WDR17: variants seen among roughly 807,000 people sequenced by gnomAD.
The protein encoded by WDR17 is WD repeat domain 17, also known as WD repeat-containing protein 17.
In WDR17, 143 loss-of-function variants were observed where a neutral mutation model predicts 161.7. The observed-to-expected ratio is 0.88, with a 90% CI of 0.77 to 1.02. WDR17 has a LOEUF of 1.02. WDR17 is among the 50% of genes least tolerant of loss of function. The pLI is 0.00. For synonymous variants in WDR17, 517 were observed against 515.6 expected (o/e 1.00, Z -0.04); for missense variants, 1,469 against 1,520.9 (o/e 0.97, Z 0.57).
At chr4:176,121,013 A>T (rs926951692) in intron 4 of WDR17, among the ~76,000 whole-genome samples, 3 of 152,146 alleles carry the variant, frequency 2.0e-5, no homozygotes, top group African/African-American at 7.2e-5. Context: ...GGGATCTATT[A>T]TTTACCTTTC....
intron 22 of WDR17, among the ~76,000 whole-genome samples, chr4:176,166,952 T>G (rs937975412): frequency 6.6e-6 from 1 of 152,162 alleles, no homozygotes; most frequent in Non-Finnish European, 1.5e-5. Flanking sequence ...ATTAGTAAAA[T>G]GATGAGTTAT....
rs766053999 is a variant in WDR17 at position 176,115,821 on chromosome 4, A to G, written c.149A>G (p.Lys50Arg). Residue 50 changes from lysine to arginine, a missense_variant, in exon 3 of 29, where the codon AAA becomes AGA. Physicochemically the swap from Lys to Arg is conservative, Grantham distance 26 (BLOSUM62 2). Coordinates refer to ENST00000508596, the MANE Select transcript of WDR17 (RefSeq NM_181265.4). ...YQLDHRYNEF[K>R]LHAIMSEHKK... ...TTGGATCACCGTTATAATGAATTCA[A>G]ACTTCACGCAATTATGTCTGAACAT... 1.9e-6 allele frequency: 3 copies of G among 1,606,994 alleles called. No homozygotes were observed. Among genetic ancestry groups the G allele is most frequent in the Non-Finnish European group, 1.7e-6 (2 of 1,176,466 alleles).
intron 8 of WDR17, among the ~76,000 whole-genome samples, chr4:176,136,530 A>G (rs1744435522): frequency 6.6e-6 from 1 of 151,726 alleles, no homozygotes; most frequent in African/African-American, 2.4e-5. Context: ...ATTTGCATCA[A>G]GAAAGTAAAA....
At chr4:176,120,271 A>T (rs1741333023) in intron 4 of WDR17, among the ~76,000 whole-genome samples, 174 bp downstream of exon 4, 1 of 142,390 alleles carries the variant, frequency 7.0e-6, no homozygotes, top group African/African-American at 2.6e-5. Flanking sequence ...ACTGAGTCTA[A>T]ATATTCATTT....
intron 1 of WDR17, among the ~76,000 whole-genome samples, chr4:176,080,077 G>T (rs1168499484): frequency 2.0e-5 from 3 of 152,002 alleles, no homozygotes; most frequent in South Asian, 4.1e-4. Flanking sequence ...CACATGAAAT[G>T]TAGGGGATGC....
At chr4:176,162,218 G>C in intron 21 of WDR17, 44 bp downstream of exon 21, 1 of 1,559,640 alleles carries the variant, frequency 6.4e-7, no homozygotes, top group Non-Finnish European at 8.8e-7. Flanking sequence ...AAGTTTTTTA[G>C]ATATGTCATG....
intron 1 of WDR17, among the ~76,000 whole-genome samples, chr4:176,079,939 C>G (rs936644670): frequency 6.6e-6 from 1 of 152,000 alleles, no homozygotes; most frequent in African/African-American, 2.4e-5. Flanking sequence ...AACCTGCTAA[C>G]CCATTGAGCC....
chr4:176,068,997 A>G (rs1284997375), intron 1 of WDR17, among the ~76,000 whole-genome samples: 1 of 152,230 alleles, frequency 6.6e-6, no homozygotes, highest in Non-Finnish European at 1.5e-5. Flanking sequence ...TTTGTATAGT[A>G]AAAGAAAAAT....
At chr4:176,179,433 T>G in intron 28 of WDR17, 27 bp from the exon 29 acceptor site, 1 of 1,488,714 alleles carries the variant, frequency 6.7e-7, no homozygotes, top group Non-Finnish European at 8.9e-7. Context: ...AATCTCATCT[T>G]CTCTTTCCTC....
intron 3 of WDR17, among the ~76,000 whole-genome samples, chr4:176,118,878 A>G (rs975314620): frequency 6.6e-6 from 1 of 151,756 alleles, no homozygotes. Flanking sequence ...GGAGAATGGC[A>G]TGAACCCGGG....
chr4:176,120,201 C>A, intron 4 of WDR17, 104 bp downstream of exon 4: 7 of 771,594 alleles, frequency 9.1e-6, no homozygotes, highest in Non-Finnish European at 1.4e-5. Flanking sequence ...GTGAATAAAA[C>A]CAAAAGTGAC....
intron 22 of WDR17, among the ~76,000 whole-genome samples, chr4:176,164,477 T>G (rs1225483033): frequency 1.3e-5 from 2 of 152,234 alleles, no homozygotes; most frequent in Non-Finnish European, 2.9e-5. Flanking sequence ...TCAGGCTGTG[T>G]GGATAAGGTG....
At chr4:176,149,136 T>G (rs1054531914) in intron 13 of WDR17, among the ~76,000 whole-genome samples, 1 of 152,254 alleles carries the variant, frequency 6.6e-6, no homozygotes, top group African/African-American at 2.4e-5. Context: ...TCACAGATAC[T>G]ATGTATGCTA....
At chr4:176,106,299 T>A (rs1424743386) in intron 1 of WDR17, among the ~76,000 whole-genome samples, 1 of 151,676 alleles carries the variant, frequency 6.6e-6, no homozygotes, top group African/African-American at 2.4e-5. Context: ...TATATAAATA[T>A]AAAATAGAGA....
intron 1 of WDR17, among the ~76,000 whole-genome samples, chr4:176,066,905 T>C (rs1340517898): frequency 6.6e-6 from 1 of 152,182 alleles, no homozygotes; most frequent in East Asian, 1.9e-4. Flanking sequence ...CCCAACAATG[T>C]GAGATTATAG....
At chr4:176,093,541 A>C (rs1442689856) in intron 1 of WDR17, among the ~76,000 whole-genome samples, 1 of 152,112 alleles carries the variant, frequency 6.6e-6, no homozygotes, top group Admixed American at 6.6e-5. Flanking sequence ...TATTTCTATC[A>C]CTAATTTTAA....
chr4:176,118,570 G>A (rs1741020994), intron 3 of WDR17, among the ~76,000 whole-genome samples: 3 of 152,042 alleles, frequency 2.0e-5, no homozygotes, highest in Admixed American at 2.0e-4. Flanking sequence ...TAAACTTACT[G>A]TCAATCAGCG....
At chr4:176,077,292 A>G (rs909408917) in intron 1 of WDR17, among the ~76,000 whole-genome samples, 11 of 151,834 alleles carry the variant, frequency 7.2e-5, no homozygotes, top group African/African-American at 1.2e-4. Context: ...TACAGCTCCC[A>G]GGCCATGCAT....
At chr4:176,107,845 C>T (rs988777661) in intron 1 of WDR17, among the ~76,000 whole-genome samples, 1 of 151,370 alleles carries the variant, frequency 6.6e-6, no homozygotes, top group Non-Finnish European at 1.5e-5. Flanking sequence ...TTCCTTCCTT[C>T]CTTCCTTTTT....
Sources: allele counts gnomAD v4.1 joint callset (sites outside exome capture counted in the v4.1 genomes callset), GRCh38; gene constraint gnomAD v4.1.1; transcripts MANE v1.5; gene names NCBI Gene and HGNC (gene_info 2026-07-23, HGNC 2026-07-21).